Variants in MTHFD2L observed in about 807,000 individuals in gnomAD.
MTHFD2L encodes methylenetetrahydrofolate dehydrogenase (NADP+ dependent) 2 like.
Under a neutral mutation model 34.9 loss-of-function variants are expected in MTHFD2L, and 29 were observed. The observed-to-expected ratio is 0.83, with a 90% CI of 0.62 to 1.13. The LOEUF (loss-of-function observed/expected upper bound fraction) is 1.13. Ranked by LOEUF, MTHFD2L falls within the 50% of genes most tolerant of loss-of-function variation. The pLI is 0.00. For missense variants in MTHFD2L, 481 were observed against 446.5 expected (o/e 1.08, Z -0.70); for synonymous variants, 167 against 155.7 (o/e 1.07, Z -0.54).
Position 74,225,332 on chromosome 4 carries a change from A to T in MTHFD2L, c.743A>T (p.Tyr248Phe). 1 of 1,613,154 alleles carries T rather than the reference A, an allele frequency of 6.2e-7. No homozygotes were observed. Among genetic ancestry groups the T allele is most frequent in the Non-Finnish European group, 8.5e-7 (1 of 1,179,326 alleles). The stretch of plus-strand genomic sequence containing the variant: ...GCAACTGTGACAATAGCTCACAGAT[A>T]CACCCCCAAAGAGCAACTGAAGATT... The part of the protein sequence containing the change: ...GDATVTIAHR[Y>F]TPKEQLKIHT... The change falls in exon 6 of 8, where the codon TAC becomes TTC. Residue 248 changes from tyrosine to phenylalanine, a missense_variant. Transcript: ENST00000325278.
At chr4:74,192,574 T>C (rs1305145696) in intron 3 of MTHFD2L, among the ~76,000 whole-genome samples, 2 of 152,166 alleles carry the variant, frequency 1.3e-5, no homozygotes, top group Admixed American at 1.3e-4. Flanking sequence ...CAAACTCTCA[T>C]GTAATCTAAA....
intron 3 of MTHFD2L, among the ~76,000 whole-genome samples, chr4:74,181,442 A>C (rs2109984364): frequency 6.6e-6 from 1 of 152,158 alleles, no homozygotes; most frequent in East Asian, 1.9e-4. Context: ...TGGTTAAGGA[A>C]AAAGAGTGAA....
upstream of MTHFD2L, chr4:74,123,485 A>T (rs1463670128): frequency 2.6e-5 from 4 of 152,170 alleles, no homozygotes; most frequent in Non-Finnish European, 4.4e-5. Flanking sequence ...TCCGAAAGCA[A>T]GGCTATCCAA....
intron 1 of MTHFD2L, among the ~76,000 whole-genome samples, chr4:74,146,489 A>G (rs1237699018): frequency 1.3e-5 from 2 of 152,158 alleles, no homozygotes; most frequent in Non-Finnish European, 2.9e-5. Context: ...CTGAAACACT[A>G]TATACACATT....
intron 6 of MTHFD2L, among the ~76,000 whole-genome samples, chr4:74,253,166 A>G (rs1743549494): frequency 6.6e-6 from 1 of 152,200 alleles, no homozygotes; most frequent in Non-Finnish European, 1.5e-5. Context: ...ATAAGGAACC[A>G]GAAATCTGAT....
upstream of MTHFD2L, among the ~76,000 whole-genome samples, chr4:74,118,649 T>C (rs1721696586): frequency 6.6e-6 from 1 of 152,192 alleles, no homozygotes; most frequent in Non-Finnish European, 1.5e-5. Flanking sequence ...ACACCAGAGA[T>C]GCAACCACAC....
At chr4:74,137,781 C>T (rs913350996) in intron 1 of MTHFD2L, among the ~76,000 whole-genome samples, 5 of 151,908 alleles carry the variant, frequency 3.3e-5, no homozygotes, top group Admixed American at 6.6e-5. Flanking sequence ...AATCATAAGA[C>T]GTATGAAAGC....
intron 3 of MTHFD2L, among the ~76,000 whole-genome samples, chr4:74,186,438 G>GAAA (rs59325238): frequency 0.047 from 4,143 of 88,002 alleles, 479 homozygotes; most frequent in Admixed American, 0.069. Context: ...GGGAATCCAT[G>GAAA]AAAAAAAAAA....
At chr4:74,232,094 A>G (rs1398516157) in intron 6 of MTHFD2L, among the ~76,000 whole-genome samples, 1 of 152,222 alleles carries the variant, frequency 6.6e-6, no homozygotes, top group Non-Finnish European at 1.5e-5. Flanking sequence ...ATTAAGCTAC[A>G]ACTTAGCATA....
At chr4:74,241,418 G>A (rs115458159) in intron 6 of MTHFD2L, 1,994 of 161,562 alleles carry the variant, frequency 0.012, 48 homozygotes, top group African/African-American at 0.046. Flanking sequence ...TTTATTTATA[G>A]GGTCTCTCTC....
At chr4:74,277,019 G>A (rs895981172) in intron 6 of MTHFD2L, among the ~76,000 whole-genome samples, 1 of 152,046 alleles carries the variant, frequency 6.6e-6, no homozygotes, top group Non-Finnish European at 1.5e-5. Context: ...TCTGGCAGAA[G>A]CTTAGAGAAG....
At chr4:74,272,215 T>A (rs2110250344) in intron 6 of MTHFD2L, among the ~76,000 whole-genome samples, 1 of 152,230 alleles carries the variant, frequency 6.6e-6, no homozygotes, top group East Asian at 1.9e-4. Context: ...GAGTATCAAA[T>A]TAACAGGTGT....
chr4:74,229,368 G>A (rs1305586719), intron 6 of MTHFD2L, among the ~76,000 whole-genome samples: 1 of 152,152 alleles, frequency 6.6e-6, no homozygotes, highest in Non-Finnish European at 1.5e-5. Flanking sequence ...ATAGCAGTGG[G>A]TATTTAAAGG....
At chr4:74,256,876 T>G (rs1744095576) in intron 6 of MTHFD2L, among the ~76,000 whole-genome samples, 1 of 152,190 alleles carries the variant, frequency 6.6e-6, no homozygotes, top group Non-Finnish European at 1.5e-5. Context: ...AATGTAGAGT[T>G]TGAAATCAGA....
intron 3 of MTHFD2L, among the ~76,000 whole-genome samples, chr4:74,198,441 C>A (rs571518709): frequency 2.0e-5 from 3 of 152,128 alleles, no homozygotes; most frequent in African/African-American, 7.2e-5. Flanking sequence ...TAGAAATAAA[C>A]TAATTTGAGT....
chr4:74,277,130 ACT>A (rs1338948410), intron 6 of MTHFD2L, among the ~76,000 whole-genome samples: 1 of 150,166 alleles, frequency 6.7e-6, no homozygotes, highest in African/African-American at 2.5e-5. Flanking sequence ...GAGACAGAAC[ACT>A]CACACAAATC....
chr4:74,296,021 T>C (rs920811530), intron 7 of MTHFD2L, among the ~76,000 whole-genome samples: 1 of 152,188 alleles, frequency 6.6e-6, no homozygotes, highest in Non-Finnish European at 1.5e-5. Flanking sequence ...ATTGCCTTTT[T>C]AATGTCCATC....
intron 3 of MTHFD2L, among the ~76,000 whole-genome samples, chr4:74,191,711 C>T (rs1261263517): frequency 1.3e-5 from 2 of 151,906 alleles, no homozygotes; most frequent in East Asian, 1.9e-4. Context: ...CCACCACGCC[C>T]AGGTAATTTT....
intron 1 of MTHFD2L, among the ~76,000 whole-genome samples, chr4:74,162,695 A>T (rs1408891129): frequency 1.3e-5 from 2 of 152,168 alleles, no homozygotes; most frequent in Non-Finnish European, 2.9e-5. Flanking sequence ...CACAACAACT[A>T]AAGGAAGTAG....
Sources: gnomAD v4.1 joint callset for allele counts (sites outside exome capture counted in the v4.1 genomes callset) on GRCh38, gnomAD v4.1.1 for gene constraint, MANE v1.5 for transcripts, NCBI Gene and HGNC (gene_info 2026-07-23, HGNC 2026-07-21) for gene names.